The following VWC2L variants were observed in gnomAD, a reference collection of about 807,000 sequenced individuals.
VWC2L encodes the protein von Willebrand factor C domain containing 2 like, also known as von Willebrand factor C domain-containing protein 2-like.
Under a neutral mutation model 21.6 loss-of-function variants are expected in VWC2L, and 10 were observed. That is an observed-to-expected ratio of 0.46 (90% CI 0.29 to 0.78). The LOEUF is 0.78. Among genes scored for constraint, VWC2L ranks in the 30% least tolerant of loss-of-function variants. The pLI is 0.10. For missense variants in VWC2L, 209 were observed against 277.1 expected, an observed-to-expected ratio of 0.75 and a Z score of 1.74; for synonymous variants, 96 against 94.3, an observed-to-expected ratio of 1.02 and a Z score of -0.10.
chr2:214,419,066 A>G (rs192699532), intron 2 of VWC2L, among the ~76,000 whole-genome samples: 1 of 152,362 alleles, frequency 6.6e-6, no homozygotes, highest in African/African-American at 2.4e-5. Flanking sequence ...GTCACCTGAT[A>G]GGAAAACTGA....
intron 3 of VWC2L, among the ~76,000 whole-genome samples, chr2:214,463,460 T>C (rs1703170627): frequency 6.6e-6 from 1 of 152,170 alleles, no homozygotes; most frequent in African/African-American, 2.4e-5. Context: ...TTTGTATTTC[T>C]ATAAAGTCCT....
chr2:214,481,477 A>G (rs1688603003), intron 3 of VWC2L, among the ~76,000 whole-genome samples: 1 of 152,208 alleles, frequency 6.6e-6, no homozygotes, highest in Admixed American at 6.5e-5. Flanking sequence ...CTGAGCTGAC[A>G]GCTGACTGAA....
At chr2:214,462,087 G>T (rs904018326) in intron 3 of VWC2L, among the ~76,000 whole-genome samples, 2 of 152,192 alleles carry the variant, frequency 1.3e-5, no homozygotes, top group Non-Finnish European at 2.9e-5. Context: ...AGCTATTGGG[G>T]CCCAGAGCAG....
chr2:214,450,173 A>G (rs1230414331), intron 3 of VWC2L, among the ~76,000 whole-genome samples: 1 of 152,204 alleles, frequency 6.6e-6, no homozygotes, highest in Non-Finnish European at 1.5e-5. Flanking sequence ...CAAGGAACCC[A>G]GGAGGAAGTC....
intron 2 of VWC2L, among the ~76,000 whole-genome samples, chr2:214,415,516 CT>C (rs1702341526): frequency 6.6e-6 from 1 of 152,070 alleles, no homozygotes; most frequent in African/African-American, 2.4e-5. Flanking sequence ...GCAGATATAG[CT>C]AGTTTTCAGT....
intron 3 of VWC2L, among the ~76,000 whole-genome samples, chr2:214,556,663 G>A (rs6435831): frequency 3.3e-5 from 5 of 152,194 alleles, no homozygotes; most frequent in African/African-American, 1.2e-4. Context: ...TTATGCACAC[G>A]CTAATTCTGT....
In VWC2L at chr2:214,557,817, A is replaced by T. The variant is rs528345276; in HGVS notation, c.521-17855A>T. ...GAATTTCGTGCCTTTCTGCTGTCTC[A>T]GGTACTCTAGTCTCCCTAGCCATTC... On this transcript the variant is annotated intron_variant, in intron 3 of 3. Transcript: ENST00000312504. 3.3e-5 allele frequency among the ~76,000 whole-genome samples: 5 copies of T among 152,248 alleles called. No homozygotes were observed. In the East Asian group the frequency reaches 9.7e-4, roughly 29 times the overall value.
chr2:214,487,124 G>A (rs75116267), intron 3 of VWC2L, among the ~76,000 whole-genome samples: 1,861 of 152,286 alleles, frequency 0.012, 31 homozygotes, highest in African/African-American at 0.043. Flanking sequence ...CTAAAAGCCA[G>A]GGAGACCTCA....
At chr2:214,456,147 A>G (rs570802544) in intron 3 of VWC2L, among the ~76,000 whole-genome samples, 1 of 152,146 alleles carries the variant, frequency 6.6e-6, no homozygotes, top group Non-Finnish European at 1.5e-5. Context: ...ACCAATTTAC[A>G]GTCCCATTAA....
chr2:214,428,246 G>A (rs1702553942), intron 2 of VWC2L, among the ~76,000 whole-genome samples: 1 of 152,118 alleles, frequency 6.6e-6, no homozygotes, highest in South Asian at 2.1e-4. Context: ...GAAAATTAGA[G>A]CACTCTTAAT....
intron 3 of VWC2L, among the ~76,000 whole-genome samples, chr2:214,459,148 C>A (rs1703099578): frequency 6.6e-6 from 1 of 152,094 alleles, no homozygotes; most frequent in Admixed American, 6.5e-5. Flanking sequence ...GAATTGATCT[C>A]TTTATCATTA....
At chr2:214,445,942 A>G (rs994992569) in intron 3 of VWC2L, among the ~76,000 whole-genome samples, 6 of 152,168 alleles carry the variant, frequency 3.9e-5, no homozygotes, top group African/African-American at 1.4e-4. Flanking sequence ...TAACTATGAG[A>G]TTCTTTTCAA....
intron 3 of VWC2L, among the ~76,000 whole-genome samples, chr2:214,437,067 T>C (rs1268248977): frequency 6.6e-6 from 1 of 152,120 alleles, no homozygotes; most frequent in African/African-American, 2.4e-5. Context: ...GTGACTGCAT[T>C]CCTCTCTTTT....
chr2:214,524,627 G>A (rs1156896002), intron 3 of VWC2L, among the ~76,000 whole-genome samples: 8 of 152,296 alleles, frequency 5.3e-5, no homozygotes, highest in African/African-American at 1.9e-4. Context: ...TGAGGATACA[G>A]TGGCAAGTGA....
At chr2:214,426,038 G>C (rs902952058) in intron 2 of VWC2L, among the ~76,000 whole-genome samples, 15 of 151,920 alleles carry the variant, frequency 9.9e-5, no homozygotes, top group Non-Finnish European at 1.6e-4. Flanking sequence ...CTGGCATGAT[G>C]GTGGGTGCCC....
chr2:214,467,623 C>T (rs1019118254), intron 3 of VWC2L, among the ~76,000 whole-genome samples: 1 of 151,988 alleles, frequency 6.6e-6, no homozygotes, highest in Non-Finnish European at 1.5e-5. Flanking sequence ...ATACCTTGGC[C>T]CCAGCTGGAA....
At chr2:214,493,905 T>C (rs916707719) in intron 3 of VWC2L, among the ~76,000 whole-genome samples, 10 of 152,186 alleles carry the variant, frequency 6.6e-5, no homozygotes, top group African/African-American at 2.4e-4. Context: ...CAGATGTTTC[T>C]GGGATGAGGT....
intron 3 of VWC2L, among the ~76,000 whole-genome samples, chr2:214,545,980 C>T (rs1249204225): frequency 3.3e-5 from 5 of 152,280 alleles, no homozygotes; most frequent in South Asian, 4.1e-4. Flanking sequence ...TTTTAAAAGG[C>T]ATTTCTGTAT....
At chr2:214,543,967 G>A (rs1689665906) in intron 3 of VWC2L, among the ~76,000 whole-genome samples, 1 of 152,172 alleles carries the variant, frequency 6.6e-6, no homozygotes, top group African/African-American at 2.4e-5. Context: ...ATAGCGCTTT[G>A]CAAGTTACAG....
Sources: allele counts gnomAD v4.1 joint callset (sites outside exome capture counted in the v4.1 genomes callset), GRCh38; gene constraint gnomAD v4.1.1; transcripts MANE v1.5; gene names NCBI Gene and HGNC (gene_info 2026-07-23, HGNC 2026-07-21).